MOV10L1: variants seen among roughly 807,000 people sequenced by gnomAD.
The protein encoded by MOV10L1 is Mov10 like RNA helicase 1.
Under a neutral mutation model 143.8 loss-of-function variants are expected in MOV10L1, and 110 were observed. That is an observed-to-expected ratio of 0.76 (90% CI 0.66 to 0.90). The LOEUF (loss-of-function observed/expected upper bound fraction) is 0.90, where lower values mean the gene tolerates loss of function less well. Among genes scored for constraint, MOV10L1 ranks in the 40% least tolerant of loss-of-function variants. The pLI is 0.00. For missense variants in MOV10L1, 1,406 were observed against 1,526.8 expected, an observed-to-expected ratio of 0.92 and a Z score of 1.32; for synonymous variants, 593 against 581.1, an observed-to-expected ratio of 1.02 and a Z score of -0.29.
At chr22:50,108,605 C>T in intron 4 of MOV10L1, 52 bp from the exon 5 acceptor site, 1 of 1,595,014 alleles carries the variant, frequency 6.3e-7, no homozygotes, top group South Asian at 1.1e-5. Context: ...AGAGCTGCGC[C>T]CTGTCGTCAT....
chr22:50,134,338 C>T (rs2062761796), intron 14 of MOV10L1, among the ~76,000 whole-genome samples, 192 bp from the exon 15 acceptor site: 1 of 149,390 alleles, frequency 6.7e-6, no homozygotes, highest in Admixed American at 6.8e-5. Flanking sequence ...TACAGATGGG[C>T]AAATAAAGGG....
At chr22:50,142,925 C>G in intron 16 of MOV10L1, 118 bp from the exon 17 acceptor site, 2 of 857,332 alleles carry the variant, frequency 2.3e-6, no homozygotes, top group Non-Finnish European at 3.7e-6. Context: ...TACTCCCTGT[C>G]TGTGACTCTG....
intron 5 of MOV10L1, among the ~76,000 whole-genome samples, chr22:50,109,981 T>C (rs908844234): frequency 1.3e-5 from 2 of 151,868 alleles, no homozygotes; most frequent in Non-Finnish European, 2.9e-5. Context: ...AAACCCTGTC[T>C]CTACTAAAAA....
chr22:50,149,299 G>A (rs1259106142), intron 19 of MOV10L1: 1 of 335,128 alleles, frequency 3.0e-6, no homozygotes, highest in Non-Finnish European at 5.6e-6. Context: ...CCAGGAGCCT[G>A]CGGCGCTTCT....
In MOV10L1 at chr22:50,126,264, G is replaced by A. The variant is rs767778792; in HGVS notation, c.1810G>A (p.Val604Met). 7.5e-5 allele frequency: 121 copies of A among 1,611,158 alleles called. No individual in the cohort carries two copies. The highest frequency in any genetic ancestry group is 1.6e-4 in the Middle Eastern group (1 of 6,080). Reference protein sequence around the residue: ...NGHAIEYISYVTEIHEEDVTL... With the variant: ...NGHAIEYISYMTEIHEEDVTL... ...ACATGCCATCGAATACATCAGCTAC[G>A]TGACTGAGGTGAGAGCACTCTCTCT... The change falls in exon 12 of 27, where the codon GTG becomes ATG. Residue 604 changes from valine to methionine, a missense_variant. By Grantham distance (21) the Val-to-Met change is conservative (BLOSUM62 1). Around this residue, in one of 3 missense-constraint regions of MOV10L1, gnomAD observed 1,233 missense variants for 1,351.4 expected, o/e 0.91. Transcript: ENST00000262794.
chr22:50,115,006 A>G, intron 7 of MOV10L1, 108 bp from the exon 8 acceptor site: 1 of 1,248,194 alleles, frequency 8.0e-7, no homozygotes, highest in East Asian at 2.4e-5. Context: ...TTTTGTGTGC[A>G]TCTGTCTTTG....
At chr22:50,119,875 T>C (rs1345249343) in intron 9 of MOV10L1, among the ~76,000 whole-genome samples, 1 of 151,944 alleles carries the variant, frequency 6.6e-6, no homozygotes, top group Non-Finnish European at 1.5e-5. Flanking sequence ...AACATCCTTA[T>C]TTGCTGAGTT....
Position 50,143,113 on chromosome 22 carries a change from G to A in MOV10L1, c.2250G>A (p.Lys750=). ...FFNPVLNENQ[K]LAVKRILSGD... is the part of the protein sequence containing the mutation. ...ACCCAGTGCTAAATGAAAATCAGAA[G>A]TTAGCAGTTAAAAGGATTCTGAGTG... Residue 750 remains lysine, a synonymous_variant, in exon 17 of 27, where the codon AAG becomes AAA. Transcript: ENST00000262794. 1 of 1,614,150 alleles carries A rather than the reference G, an allele frequency of 6.2e-7. No individual in the cohort carries two copies. Among genetic ancestry groups the A allele is most frequent in the Admixed American group, 1.7e-5 (1 of 60,022 alleles).
chr22:50,098,793 T>A (rs780746148), intron 2 of MOV10L1, among the ~76,000 whole-genome samples: 1 of 152,140 alleles, frequency 6.6e-6, no homozygotes, highest in Non-Finnish European at 1.5e-5. Flanking sequence ...TTGAGTGTGG[T>A]GTTTGTTGTG....
chr22:50,126,102 A>G, intron 11 of MOV10L1, 100 bp from the exon 12 acceptor site: 1 of 779,076 alleles, frequency 1.3e-6, no homozygotes, highest in South Asian at 1.6e-5. Flanking sequence ...TGACCCCAGT[A>G]ACGTTTTATT....
At chr22:50,160,353 T>G (rs2063525158) in intron 24 of MOV10L1, among the ~76,000 whole-genome samples, 1 of 150,874 alleles carries the variant, frequency 6.6e-6, no homozygotes, top group Admixed American at 6.6e-5. Context: ...TTCACGCCAT[T>G]CTCCTGCCTC....
chr22:50,098,348 A>T lies in MOV10L1; in HGVS notation c.283-1095A>T, dbSNP rs1201162183. 2.0e-5 allele frequency among the ~76,000 whole-genome samples: 3 copies of T among 149,720 alleles called. No homozygotes were observed. The East Asian group carries it at 5.8e-4, about 29-fold the overall frequency. ...TCATTTTAATAATATTAGGTTTTCCAATTCATGAACGCGGTTGTCTTGCTG... is the reference window on the plus strand; with the variant it reads ...TCATTTTAATAATATTAGGTTTTCCTATTCATGAACGCGGTTGTCTTGCTG... On this transcript the variant is annotated intron_variant, in intron 2 of 26. Transcript: ENST00000262794.
intron 10 of MOV10L1, 113 bp from the exon 11 acceptor site, chr22:50,125,279 C>T (rs2272833): frequency 0.16 from 173,311 of 1,081,674 alleles, 14,948 homozygotes; most frequent in East Asian, 0.25. Flanking sequence ...ATCGCCCCAC[C>T]TGGGGGGCCA....
intron 10 of MOV10L1, among the ~76,000 whole-genome samples, chr22:50,121,960 AT>A (rs919938567): frequency 6.1e-4 from 93 of 152,066 alleles, no homozygotes; most frequent in African/African-American, 2.2e-3. Flanking sequence ...TAGCATTGGA[AT>A]TTTTTTTCCC....
chr22:50,145,885 AG>A, intron 19 of MOV10L1, 75 bp downstream of exon 19: 1 of 1,588,070 alleles, frequency 6.3e-7, no homozygotes. Context: ...CTTCTGTCTG[AG>A]GGGCGGATGA....
In MOV10L1 at chr22:50,115,020, G is replaced by A. The variant is rs944335323; in HGVS notation, c.1127-94G>A. 8 of 1,337,948 alleles carry A rather than the reference G, an allele frequency of 6.0e-6. No individual in the cohort carries two copies. The South Asian group carries it at 1.1e-4, about 18-fold the overall frequency. The allele number at this position is 1,337,948 out of a possible 1,614,324, so 82.9% of individuals were successfully genotyped here. A position where few individuals can be genotyped will look rare whatever the true frequency, so the allele number is the denominator to read the frequency against. On this transcript the variant is annotated intron_variant, in intron 7 of 26. Transcript: ENST00000262794. ...TTTTTGTGTGCATCTGTCTTTGTGT[G>A]TGTGAGAGAGTATTCATTTCCACTA...
chr22:50,112,561 C>G (rs1025468677), intron 5 of MOV10L1, among the ~76,000 whole-genome samples: 3 of 152,204 alleles, frequency 2.0e-5, no homozygotes, highest in Non-Finnish European at 4.4e-5. Context: ...TGAAAAAGAC[C>G]TGTTTCTGCC....
In MOV10L1 at chr22:50,141,573, C is replaced by T. The variant is rs182670278; in HGVS notation, c.2071-508C>T. ...CAGGCTAGTCTTAAACTCCTGGGCTCAAGTGATCCACCTGTCTTGGCCTCC... is the reference window on the plus strand; with the variant it reads ...CAGGCTAGTCTTAAACTCCTGGGCTTAAGTGATCCACCTGTCTTGGCCTCC... On this transcript the variant is annotated intron_variant, in intron 15 of 26. Transcript: ENST00000262794. 2.4e-3 allele frequency among the ~76,000 whole-genome samples: 369 copies of T among 151,146 alleles called. 3 individuals carry two copies. Among genetic ancestry groups the T allele is most frequent in the African/African-American group, 8.4e-3 (347 of 41,220 alleles).
chr22:50,101,597 C>T (rs991940421), intron 3 of MOV10L1, among the ~76,000 whole-genome samples: 8 of 151,280 alleles, frequency 5.3e-5, no homozygotes, highest in Non-Finnish European at 7.4e-5. Flanking sequence ...CTGTAACCTC[C>T]ACCTCCTGGA....
Sources: gnomAD v4.1 joint callset for allele counts (sites outside exome capture counted in the v4.1 genomes callset) on GRCh38, gnomAD v4.1.1 for gene constraint, gnomAD v4.1.1 regional missense constraint, MANE v1.5 for transcripts, NCBI Gene and HGNC (gene_info 2026-07-23, HGNC 2026-07-21) for gene names.